CCDC178: variants seen among roughly 807,000 people sequenced by gnomAD.
CCDC178 encodes coiled-coil domain-containing protein 178.
CCDC178 carries 126 observed loss-of-function variants against 117.4 expected under a neutral mutation model. The observed-to-expected ratio is 1.07, with a 90% CI of 0.93 to 1.24. The LOEUF (loss-of-function observed/expected upper bound fraction) is 1.24. Ranked by LOEUF, CCDC178 falls within the 50% of genes most tolerant of loss-of-function variation. CCDC178 has a pLI of 0.00. For missense variants in CCDC178, 1,030 were observed against 986.9 expected, an observed-to-expected ratio of 1.04 and a Z score of -0.59; for synonymous variants, 283 against 313.4, an observed-to-expected ratio of 0.90 and a Z score of 1.02.
chr18:33,284,332 C>G (rs570187173), intron 12 of CCDC178, among the ~76,000 whole-genome samples: 2 of 152,068 alleles, frequency 1.3e-5, no homozygotes, highest in African/African-American at 2.4e-5. Context: ...ACCTGTACAA[C>G]AAACCCCCAT....
In CCDC178 at chr18:32,937,876, G is replaced by T; in HGVS notation, c.*135C>A. The T allele has an allele frequency of 1.5e-6, 1 of 663,388 alleles. No homozygotes were observed. The highest frequency in any genetic ancestry group is 2.7e-6 in the Non-Finnish European group (1 of 367,238). The allele number at this position is 663,388 out of a possible 1,614,324, so 41.1% of individuals were successfully genotyped here. ...TGTGAGTAAAAGAGTGGCAAAGCAT[G>T]CTGGGAGGTGAGTGAGTTTTTCGTT... On this transcript the variant is annotated 3_prime_UTR_variant, in exon 23 of 23. Coordinates refer to ENST00000383096, the MANE Select transcript of CCDC178 (RefSeq NM_001105528.4).
At chr18:33,128,325 C>G (rs1410417811) in intron 20 of CCDC178, among the ~76,000 whole-genome samples, 1 of 152,174 alleles carries the variant, frequency 6.6e-6, no homozygotes. Context: ...TATTAAACAA[C>G]TGTGAACTAA....
At chr18:33,101,993 CTGTT>C (rs1052696901) in intron 20 of CCDC178, among the ~76,000 whole-genome samples, 78 of 151,892 alleles carry the variant, frequency 5.1e-4, no homozygotes, top group African/African-American at 1.8e-3. Context: ...TTTTAGAAAT[CTGTT>C]TGTTATGAGG....
intron 2 of CCDC178, among the ~76,000 whole-genome samples, chr18:33,419,079 T>A (rs1299039942): frequency 6.6e-6 from 1 of 152,126 alleles, no homozygotes; most frequent in East Asian, 1.9e-4. Context: ...GCGGTACTGG[T>A]ACAAAAACAG....
chr18:33,201,724 CACAA>C (rs748369254), intron 20 of CCDC178, among the ~76,000 whole-genome samples: 1 of 152,152 alleles, frequency 6.6e-6, no homozygotes, highest in Admixed American at 6.5e-5. Context: ...TGACAAGAGC[CACAA>C]ACAGACAGGA....
rs575395038 is a variant in CCDC178 at position 32,949,315 on chromosome 18, A to AT, written c.2524-11225dup. 3.2e-4 allele frequency among the ~76,000 whole-genome samples: 48 copies of AT among 152,110 alleles called. No homozygotes were observed. The East Asian group carries it at 8.3e-3, about 26-fold the overall frequency. On this transcript the variant is annotated intron_variant, in intron 22 of 22. Coordinates refer to ENST00000383096, the MANE Select transcript of CCDC178 (RefSeq NM_001105528.4). The stretch of plus-strand genomic sequence containing the variant: ...TTTACAGATGAAAAAATTAACCATG[A>AT]TTTTTTAAATATTTTTCTGTTCTCT...
chr18:33,092,564 T>C (rs949714677), intron 21 of CCDC178, among the ~76,000 whole-genome samples, 197 bp downstream of exon 21: 3 of 152,046 alleles, frequency 2.0e-5, no homozygotes, highest in Non-Finnish European at 4.4e-5. Context: ...AGAAACTAAG[T>C]TTTTCATTTC....
chr18:33,024,755 T>C (rs1272097485), intron 21 of CCDC178, among the ~76,000 whole-genome samples: 1 of 151,474 alleles, frequency 6.6e-6, no homozygotes, highest in Admixed American at 6.6e-5. Flanking sequence ...GCCATTCTCC[T>C]ACCTCAGCCT....
chr18:32,974,039 A>G (rs2054983294), intron 22 of CCDC178, among the ~76,000 whole-genome samples: 1 of 152,204 alleles, frequency 6.6e-6, no homozygotes, highest in South Asian at 2.1e-4. Context: ...GTAAAATCTC[A>G]CATGCATCTA....
chr18:33,259,088 C>T (rs1018042454), intron 14 of CCDC178, among the ~76,000 whole-genome samples: 17 of 150,334 alleles, frequency 1.1e-4, no homozygotes, highest in Non-Finnish European at 1.5e-5. Flanking sequence ...GGGTTTGTAA[C>T]TGTAAAAAAA....
At chr18:33,186,637 G>C (rs1025204236) in intron 20 of CCDC178, among the ~76,000 whole-genome samples, 1 of 152,016 alleles carries the variant, frequency 6.6e-6, no homozygotes, top group Admixed American at 6.6e-5. Context: ...TTGGGGTATT[G>C]AGATTGTTAC....
At chr18:33,255,466 A>G (rs944803634) in intron 14 of CCDC178, among the ~76,000 whole-genome samples, 3 of 152,038 alleles carry the variant, frequency 2.0e-5, no homozygotes, top group Non-Finnish European at 4.4e-5. Context: ...ATGAGACAAT[A>G]AGGGCCTGGT....
intron 12 of CCDC178, among the ~76,000 whole-genome samples, chr18:33,273,929 A>G (rs1367134835): frequency 2.0e-5 from 3 of 151,948 alleles, no homozygotes; most frequent in African/African-American, 7.2e-5. Context: ...CTGCTTCAAG[A>G]ATACTAACAA....
intron 21 of CCDC178, among the ~76,000 whole-genome samples, chr18:33,076,904 C>A (rs2057218056): frequency 6.6e-6 from 1 of 152,158 alleles, no homozygotes; most frequent in Non-Finnish European, 1.5e-5. Flanking sequence ...GGATCAAGAT[C>A]TTCTGGTAAA....
intron 21 of CCDC178, among the ~76,000 whole-genome samples, chr18:33,020,924 G>GCCAT (rs1443915952): frequency 6.6e-6 from 1 of 152,168 alleles, no homozygotes; most frequent in Non-Finnish European, 1.5e-5. Context: ...GGACACTACA[G>GCCAT]CCATCACATG....
chr18:33,006,978 A>C (rs1248407215), intron 21 of CCDC178, among the ~76,000 whole-genome samples: 1 of 152,126 alleles, frequency 6.6e-6, no homozygotes, highest in Non-Finnish European at 1.5e-5. Context: ...GATGCTGAGC[A>C]GAGGACCCTG....
intron 20 of CCDC178, among the ~76,000 whole-genome samples, chr18:33,115,711 T>C (rs975516492): frequency 1.3e-5 from 2 of 152,032 alleles, no homozygotes; most frequent in African/African-American, 4.8e-5. Context: ...ATAGTCACTA[T>C]AGACCATCTA....
chr18:33,429,361 G>GGA (rs1229589841), intron 2 of CCDC178, among the ~76,000 whole-genome samples: 1 of 151,438 alleles, frequency 6.6e-6, no homozygotes, highest in Non-Finnish European at 1.5e-5. Context: ...GGAGGGAGGG[G>GGA]GAGAGAGAGA....
At chr18:33,166,641 C>G (rs2058533344) in intron 20 of CCDC178, among the ~76,000 whole-genome samples, 1 of 152,152 alleles carries the variant, frequency 6.6e-6, no homozygotes. Context: ...TCATTTTCAC[C>G]TCTCTGTCCC....
Sources: allele counts gnomAD v4.1 joint callset (sites outside exome capture counted in the v4.1 genomes callset), GRCh38; gene constraint gnomAD v4.1.1; transcripts MANE v1.5; gene names NCBI Gene and HGNC (gene_info 2026-07-23, HGNC 2026-07-21).